Variants in MACROD2 observed in about 807,000 individuals in gnomAD.
MACROD2 encodes ADP-ribose glycohydrolase MACROD2.
MACROD2 carries 36 observed loss-of-function variants against 70.4 expected under a neutral mutation model. The observed-to-expected ratio is 0.51, with a 90% CI of 0.39 to 0.68. The LOEUF is 0.68. Among genes scored for constraint, MACROD2 ranks in the 30% least tolerant of loss-of-function variants. The pLI, the probability that MACROD2 is intolerant of heterozygous loss-of-function variation, is 0.00. For missense variants in MACROD2, 496 were observed against 538.4 expected, an observed-to-expected ratio of 0.92 and a Z score of 0.78; for synonymous variants, 172 against 178.8, an observed-to-expected ratio of 0.96 and a Z score of 0.30.
intron 5 of MACROD2, among the ~76,000 whole-genome samples, chr20:15,060,121 G>A (rs549857958): frequency 3.9e-4 from 59 of 152,330 alleles, no homozygotes; most frequent in African/African-American, 1.4e-3. Flanking sequence ...TTGGGAAGGA[G>A]ATTGCTAGCC....
chr20:14,174,197 G>A (rs1053793341), intron 3 of MACROD2, among the ~76,000 whole-genome samples: 5 of 152,242 alleles, frequency 3.3e-5, no homozygotes, highest in Middle Eastern at 3.4e-3. Flanking sequence ...AAGTATTCAG[G>A]TTTCTCAGGT....
chr20:14,376,972 T>C (rs2122762837), intron 3 of MACROD2, among the ~76,000 whole-genome samples: 2 of 152,150 alleles, frequency 1.3e-5, no homozygotes, highest in South Asian at 2.1e-4. Flanking sequence ...TTATAAAATA[T>C]TGGCATAACT....
intron 8 of MACROD2, among the ~76,000 whole-genome samples, chr20:15,842,996 G>T (rs543279611): frequency 6.6e-6 from 1 of 152,130 alleles, no homozygotes; most frequent in African/African-American, 2.4e-5. Context: ...ACCTAGAAAA[G>T]AGACAGGAAA....
At chr20:14,981,199 C>G (rs2122838373) in intron 5 of MACROD2, among the ~76,000 whole-genome samples, 1 of 152,202 alleles carries the variant, frequency 6.6e-6, no homozygotes, top group Admixed American at 6.5e-5. Flanking sequence ...GTATATTCAG[C>G]TAACTCTGAA....
intron 8 of MACROD2, among the ~76,000 whole-genome samples, chr20:15,573,413 T>G (rs1243867939): frequency 6.6e-6 from 1 of 152,166 alleles, no homozygotes; most frequent in Non-Finnish European, 1.5e-5. Flanking sequence ...TTCAAATTAC[T>G]GTGTTCTGTT....
chr20:14,210,524 T>G (rs949677261), intron 3 of MACROD2, among the ~76,000 whole-genome samples: 3 of 152,126 alleles, frequency 2.0e-5, no homozygotes, highest in Non-Finnish European at 4.4e-5. Flanking sequence ...TTTGAAGAGA[T>G]GGAGGCCCTA....
chr20:15,704,489 AT>A (rs1340938166), intron 8 of MACROD2, among the ~76,000 whole-genome samples: 1 of 152,220 alleles, frequency 6.6e-6, no homozygotes, highest in Non-Finnish European at 1.5e-5. Context: ...AGTAATATTA[AT>A]ATGGTGTATT....
chr20:14,875,397 CTATT>C (rs1245897739), intron 5 of MACROD2, among the ~76,000 whole-genome samples: 4 of 152,042 alleles, frequency 2.6e-5, no homozygotes, highest in Non-Finnish European at 5.9e-5. Flanking sequence ...TCAAAAAAGA[CTATT>C]TGGGAATTTG....
At chr20:14,983,421 G>A (rs1343802531) in intron 5 of MACROD2, among the ~76,000 whole-genome samples, 5 of 152,228 alleles carry the variant, frequency 3.3e-5, no homozygotes, top group East Asian at 3.9e-4. Context: ...GAGTGATATG[G>A]TTTGTCTCTG....
chr20:14,344,267 AACTG>A (rs1275912831), intron 3 of MACROD2, among the ~76,000 whole-genome samples: 1 of 152,202 alleles, frequency 6.6e-6, no homozygotes, highest in Non-Finnish European at 1.5e-5. Context: ...AACTGATATG[AACTG>A]ATTATTTGCC....
At position 14,577,794 on chromosome 20, in the gene MACROD2, A is replaced by AAAGAAGAG. The variant is rs775454835; in HGVS notation, c.301+84290_301+84291insAGAGAAGA. ...AAGATCATTTCTTAAAAAGAAAAGG[A>AAAGAAGAG]AAGAGAAGAGAAGAGAAGAGAAGAG... On this transcript the variant is annotated intron_variant, in intron 4 of 17. Transcript: ENST00000684519. 2.6e-3 allele frequency among the ~76,000 whole-genome samples: 352 copies of AAAGAAGAG among 137,826 alleles called. 4 individuals are homozygous for AAAGAAGAG. The highest frequency in any genetic ancestry group is 8.6e-3 in the African/African-American group (327 of 38,056). 90.4% of individuals were successfully genotyped at this position (137,826 alleles called of 152,430 possible).
intron 5 of MACROD2, among the ~76,000 whole-genome samples, chr20:15,186,614 C>T (rs2076536236): frequency 6.6e-6 from 1 of 152,092 alleles, no homozygotes; most frequent in African/African-American, 2.4e-5. Context: ...TGGGTTAAAT[C>T]TGGTAAATCT....
intron 7 of MACROD2, among the ~76,000 whole-genome samples, chr20:15,485,696 C>T (rs1223181131): frequency 1.3e-5 from 2 of 152,114 alleles, no homozygotes; most frequent in Non-Finnish European, 2.9e-5. Flanking sequence ...TCCTGTCATT[C>T]GTCAAACACT....
chr20:14,671,563 T>G (rs1281772015), intron 4 of MACROD2, among the ~76,000 whole-genome samples: 1 of 152,178 alleles, frequency 6.6e-6, no homozygotes, highest in Admixed American at 6.6e-5. Context: ...GATCAGTCCC[T>G]ACGTTTTTGG....
intron 5 of MACROD2, among the ~76,000 whole-genome samples, chr20:15,130,312 A>G (rs898456131): frequency 6.6e-6 from 1 of 151,982 alleles, no homozygotes; most frequent in African/African-American, 2.4e-5. Flanking sequence ...ATCGTCAATG[A>G]GAAGAAAATA....
intron 2 of MACROD2, among the ~76,000 whole-genome samples, chr20:14,005,276 TAAAA>T (rs914166658): frequency 3.9e-5 from 6 of 151,922 alleles, no homozygotes; most frequent in African/African-American, 1.4e-4. Context: ...AAAATAAAAA[TAAAA>T]AAACCCAAAA....
At chr20:14,914,375 C>A (rs2074065120) in intron 5 of MACROD2, among the ~76,000 whole-genome samples, 1 of 152,112 alleles carries the variant, frequency 6.6e-6, no homozygotes, top group Non-Finnish European at 1.5e-5. Context: ...TTTAAGCTTA[C>A]GTACAACAAT....
chr20:14,757,813 G>GC lies in MACROD2; in HGVS notation c.418+72859dup, dbSNP rs572505335. On this transcript the variant is annotated intron_variant, in intron 5 of 17. Coordinates refer to ENST00000684519, the MANE Select transcript of MACROD2 (RefSeq NM_001351661.2). ...AGTATCTCCGTGATTACCTTCATCT[G>GC]CCCCCGGAGATTGTGCCTGCCACTC... 520 of 1,529,326 alleles carry GC rather than the reference G, an allele frequency of 3.4e-4. 7 individuals carry two copies. In the African/African-American group the frequency reaches 6.7e-3, roughly 20 times the overall value. 94.7% of individuals were successfully genotyped at this position (1,529,326 alleles called of 1,614,324 possible). A position where few individuals can be genotyped will look rare whatever the true frequency, so the allele number is the denominator to read the frequency against.
chr20:14,096,507 CAGGCAGG>C (rs2054229139), intron 3 of MACROD2, among the ~76,000 whole-genome samples: 1 of 151,684 alleles, frequency 6.6e-6, no homozygotes, highest in Non-Finnish European at 1.5e-5. Context: ...GCTGGGATTA[CAGGCAGG>C]CAGCACCACA....
Sources: allele counts gnomAD v4.1 joint callset (sites outside exome capture counted in the v4.1 genomes callset), GRCh38; gene constraint gnomAD v4.1.1; transcripts MANE v1.5; gene names NCBI Gene and HGNC (gene_info 2026-07-23, HGNC 2026-07-21).